The following SEPTIN4 variants were observed in gnomAD, a reference collection of about 807,000 sequenced individuals.
SEPTIN4 encodes septin 4, also known as septin-4.
Under a neutral mutation model 107.1 loss-of-function variants are expected in SEPTIN4, and 52 were observed. That is an observed-to-expected ratio of 0.49 (90% CI 0.39 to 0.61). The LOEUF (loss-of-function observed/expected upper bound fraction) is 0.61, where lower values mean the gene tolerates loss of function less well. SEPTIN4 is among the 20% of genes least tolerant of loss of function. SEPTIN4 has a pLI of 0.00. For missense variants in SEPTIN4, 1,048 were observed against 1,243.5 expected, an observed-to-expected ratio of 0.84 and a Z score of 2.36; for synonymous variants, 417 against 467.0, an observed-to-expected ratio of 0.89 and a Z score of 1.38.
chr17:58,525,149 CTCT>C lies in SEPTIN4; in HGVS notation c.2142_2144del (p.Glu715del). The C allele has an allele frequency of 6.2e-7, 1 of 1,614,256 alleles. No individual in the cohort carries two copies. Among genetic ancestry groups the C allele is most frequent in the Non-Finnish European group, 8.5e-7 (1 of 1,180,048 alleles). On this transcript the variant is annotated inframe_deletion, in exon 7 of 14. Transcript: ENST00000672673. Reference sequence around the variant, plus strand: ...TGGTGAGCCGCAGCCTCACACCCTTCTCTTCTATGTCCACTGCATGCTTAGTGA... The same window carrying C: ...TGGTGAGCCGCAGCCTCACACCCTTCTCTATGTCCACTGCATGCTTAGTGA...
At chr17:58,529,244 A>G in intron 3 of SEPTIN4, 6 of 1,613,620 alleles carry the variant, frequency 3.7e-6, no homozygotes, top group Non-Finnish European at 5.1e-6. Context: ...AGTTCCTCAC[A>G]CACAGAAACA....
Position 58,526,332 on chromosome 17 carries a change from G to A in SEPTIN4, c.1912-19C>T. On this transcript the variant is annotated intron_variant, in intron 4 of 13. Transcript: ENST00000672673. Reference sequence around the variant, plus strand: ...TGTCATCCTAGTAGACAGGAAGGCAGAATGCATCACGGTGAGGAGCCAAAG... The same window carrying A: ...TGTCATCCTAGTAGACAGGAAGGCAAAATGCATCACGGTGAGGAGCCAAAG... 1 of 1,539,656 alleles carries A rather than the reference G, an allele frequency of 6.5e-7. No homozygotes were observed. The highest frequency in any genetic ancestry group is 8.8e-7 in the Non-Finnish European group (1 of 1,142,290).
chr17:58,527,449 G>T, intron 3 of SEPTIN4: 1 of 288,998 alleles, frequency 3.5e-6, no homozygotes, highest in Admixed American at 4.6e-5. Context: ...AGGGAAGTAG[G>T]CAGGGGAGAA....
chr17:58,538,564 G>C lies in SEPTIN4; in HGVS notation c.1614+2102C>G, dbSNP rs1160884985. ...CCAGGAAATCCCCAGGGCTATGTGA[G>C]AAGGCAGCCCCCAGTGACCCATTAG... On this transcript the variant is annotated intron_variant, in intron 3 of 13. Coordinates refer to ENST00000672673, the MANE Select transcript of SEPTIN4 (RefSeq NM_001368771.2). The surrounding 1 kb of genome is among the most constrained non-coding windows in gnomAD (Gnocchi z 4.7). Among the ~76,000 whole-genome samples the C allele has an allele frequency of 2.0e-5, 3 of 152,128 alleles. No homozygotes were observed. The highest frequency in any genetic ancestry group is 4.4e-5 in the Non-Finnish European group (3 of 68,018).
At chr17:58,527,983 G>C in intron 3 of SEPTIN4, 1 of 985,674 alleles carries the variant, frequency 1.0e-6, no homozygotes, top group Non-Finnish European at 1.2e-6. Flanking sequence ...CTCATTGTCA[G>C]CTCTAGACCC....
In SEPTIN4 at chr17:58,538,824, C is replaced by T. The variant is rs1237020723; in HGVS notation, c.1614+1842G>A. On this transcript the variant is annotated intron_variant, in intron 3 of 13. Coordinates refer to ENST00000672673, the MANE Select transcript of SEPTIN4 (RefSeq NM_001368771.2). The surrounding 1 kb of genome is among the most constrained non-coding windows in gnomAD (Gnocchi z 4.7). ...AGATGGGCTGAATCAGGCCCCATCCCCAGCTGTTCACCCAGAGAGGCTTGT... is the reference window on the plus strand; with the variant it reads ...AGATGGGCTGAATCAGGCCCCATCCTCAGCTGTTCACCCAGAGAGGCTTGT... Among the ~76,000 whole-genome samples, 1 of 152,214 alleles carries T rather than the reference C, an allele frequency of 6.6e-6. No individual in the cohort carries two copies. The highest frequency in any genetic ancestry group is 2.4e-5 in the African/African-American group (1 of 41,454).
At chr17:58,523,230 C>T (rs538723997) in intron 7 of SEPTIN4, among the ~76,000 whole-genome samples, 30 of 152,186 alleles carry the variant, frequency 2.0e-4, no homozygotes, top group African/African-American at 7.2e-4. Flanking sequence ...AAAAAGTTAG[C>T]TTGGTGTGGT....
intron 3 of SEPTIN4, among the ~76,000 whole-genome samples, chr17:58,539,402 G>C (rs969888706): frequency 6.6e-6 from 1 of 152,122 alleles, no homozygotes; most frequent in Admixed American, 6.5e-5. Flanking sequence ...CAAAGGTACA[G>C]ATTTGCATCT....
chr17:58,522,669 AAAG>A (rs1215464459), intron 7 of SEPTIN4, among the ~76,000 whole-genome samples: 23 of 151,588 alleles, frequency 1.5e-4, no homozygotes, highest in African/African-American at 3.1e-4. Flanking sequence ...AAAAAAAAAA[AAAG>A]AAGAAGAAGA....
intron 3 of SEPTIN4, among the ~76,000 whole-genome samples, chr17:58,540,148 A>G (rs1396139802): frequency 6.6e-6 from 1 of 152,244 alleles, no homozygotes; most frequent in African/African-American, 2.4e-5. Context: ...TATGGGAACA[A>G]TGCAGCGAAA....
Position 58,538,808 on chromosome 17 carries a change from G to T in SEPTIN4, c.1614+1858C>A, listed in dbSNP as rs2043799239. 6.6e-6 allele frequency among the ~76,000 whole-genome samples: 1 copy of T among 152,212 alleles called. No individual in the cohort carries two copies. The highest frequency in any genetic ancestry group is 2.4e-5 in the African/African-American group (1 of 41,458). ...GGACTGACACTTAAAGAGATGGGCT[G>T]AATCAGGCCCCATCCCCAGCTGTTC... is the stretch of plus-strand genomic sequence containing the variant. On this transcript the variant is annotated intron_variant, in intron 3 of 13. Transcript: ENST00000672673. The surrounding 1 kb of genome is among the most constrained non-coding windows in gnomAD (Gnocchi z 4.7).
At chr17:58,532,117 C>A in intron 3 of SEPTIN4, 1 of 1,052,556 alleles carries the variant, frequency 9.5e-7, no homozygotes. Context: ...CGGAGCGAGT[C>A]GGCCCCGGGG....
In SEPTIN4 at chr17:58,520,454, A is replaced by AT; in HGVS notation, c.2962dup (p.Ile988AsnfsTer51). 1 of 1,613,464 alleles carries AT rather than the reference A, an allele frequency of 6.2e-7. No homozygotes were observed. Among genetic ancestry groups the AT allele is most frequent in the Middle Eastern group, 1.8e-4 (1 of 5,470 alleles). On this transcript the variant is annotated frameshift_variant, in exon 14 of 14. Coordinates refer to ENST00000672673, the MANE Select transcript of SEPTIN4 (RefSeq NM_001368771.2). LOFTEE classifies it high-confidence loss of function. ...ATAGTTCTCCTTCATCTGTTTTTGT[A>AT]TTTTGTGTAGCATCTCCTGCATCCG...
At chr17:58,522,922 T>C (rs1408089881) in intron 7 of SEPTIN4, among the ~76,000 whole-genome samples, 1 of 152,150 alleles carries the variant, frequency 6.6e-6, no homozygotes, top group Non-Finnish European at 1.5e-5. Context: ...GCAAAACAAA[T>C]AAATAAATAA....
chr17:58,530,556 G>A (rs1332616566), intron 3 of SEPTIN4: 1 of 152,302 alleles, frequency 6.6e-6, no homozygotes, highest in African/African-American at 2.4e-5. Flanking sequence ...GGTTGGGGTG[G>A]AGGGGGGTGT....
intron 3 of SEPTIN4, chr17:58,529,398 C>T (rs1201496724): frequency 7.0e-7 from 1 of 1,423,402 alleles, no homozygotes; most frequent in Non-Finnish European, 9.2e-7. Context: ...CCCTTGGCTC[C>T]CACCCTCCAA....
rs773605152 is a variant in SEPTIN4 at position 58,543,894 on chromosome 17, C to T, written c.293G>A (p.Arg98His). The T allele has an allele frequency of 4.3e-6, 7 of 1,613,930 alleles. 1 individual carries two copies. The highest frequency in any genetic ancestry group is 2.2e-5 in the East Asian group (1 of 44,876). Residue 98 changes from arginine to histidine, a missense_variant, in exon 1 of 14, where the codon CGC (arginine) becomes CAC (histidine). By Grantham distance (29) the Arg-to-His change is conservative. Around this residue, in one of 2 missense-constraint regions of SEPTIN4, gnomAD observed 787 missense variants for 871.8 expected, o/e 0.90. Transcript: ENST00000672673. ...PETGPRTESS[R>H]HSSPHLKSQK... ...GCTCTTTAGATGGGGAGAGGAATGG[C>T]GGGATGATTCTGTTCTTGGTCCAGT... is the stretch of plus-strand genomic sequence containing the variant.
At chr17:58,534,672 G>A (rs139035559) in intron 3 of SEPTIN4, among the ~76,000 whole-genome samples, 22 of 152,326 alleles carry the variant, frequency 1.4e-4, no homozygotes, top group African/African-American at 4.6e-4. Flanking sequence ...CACTGCTAGG[G>A]CATGGTATCT....
intron 3 of SEPTIN4, among the ~76,000 whole-genome samples, chr17:58,535,690 C>G (rs2144231233): frequency 6.6e-6 from 1 of 152,318 alleles, no homozygotes; most frequent in African/African-American, 2.4e-5. Context: ...TCAAGTGACC[C>G]ATCTGTATAC....
Sources: allele counts gnomAD v4.1 joint callset (sites outside exome capture counted in the v4.1 genomes callset), GRCh38; gene constraint gnomAD v4.1.1; regional missense constraint gnomAD v4.1.1; non-coding constraint Gnocchi (gnomAD v3.1); transcripts MANE v1.5; gene names NCBI Gene and HGNC (gene_info 2026-07-23, HGNC 2026-07-21).